Variants in NMD3 observed in about 807,000 individuals in gnomAD.
NMD3 encodes the protein 60S ribosomal export protein NMD3.
NMD3 carries 47 observed loss-of-function variants against 73.1 expected under a neutral mutation model. The ratio of observed to expected loss-of-function variants is 0.64; its 90% confidence interval spans 0.51 to 0.82. The LOEUF (loss-of-function observed/expected upper bound fraction) is 0.82, where lower values mean the gene tolerates loss of function less well. NMD3 is among the 40% of genes least tolerant of loss of function. The probability of loss-of-function intolerance (pLI) is 0.00; values close to 1 mark genes in which losing one functional copy is unlikely to be tolerated. For synonymous variants in NMD3, 210 were observed against 194.5 expected (o/e 1.08, Z -0.66); for missense variants, 554 against 612.5 (o/e 0.90, Z 1.01).
At chr3:161,227,150 G>T in intron 3 of NMD3, 97 bp from the exon 4 acceptor site, 14 of 640,172 alleles carry the variant, frequency 2.2e-5, no homozygotes, top group East Asian at 6.3e-5. Flanking sequence ...GTTTTATTAT[G>T]CCTGGTTAAT....
At chr3:161,239,587 C>T (rs1018463315) in intron 9 of NMD3, among the ~76,000 whole-genome samples, 3 of 152,058 alleles carry the variant, frequency 2.0e-5, no homozygotes, top group Non-Finnish European at 4.4e-5. Flanking sequence ...ATCATTTTGA[C>T]GATGAGGAAA....
chr3:161,249,441 AT>A lies in NMD3; in HGVS notation c.1204-10del. On this transcript the variant is annotated splice_polypyrimidine_tract_variant and intron_variant, in intron 13 of 15. Coordinates refer to ENST00000351193, the MANE Select transcript of NMD3 (RefSeq NM_015938.5). ...TCCCATTCTTTGTAACTTTACAAATATTTATCTTGCAGGTATTAATCAAGAA... is the reference window on the plus strand; with the variant it reads ...TCCCATTCTTTGTAACTTTACAAATATTATCTTGCAGGTATTAATCAAGAA... The A allele has an allele frequency of 9.0e-6, 14 of 1,548,734 alleles. No individual in the cohort carries two copies. The highest frequency in any genetic ancestry group is 1.2e-5 in the Non-Finnish European group (14 of 1,133,178).
In NMD3 at chr3:161,250,294, A is replaced by G; in HGVS notation, c.1349A>G (p.Glu450Gly). The change falls in exon 15 of 16, where the codon GAG becomes GGG. Residue 450 changes from glutamate to glycine, a missense_variant. By Grantham distance (98) the Glu-to-Gly change is moderately conservative. Transcript: ENST00000351193. The stretch of plus-strand genomic sequence containing the variant: ...TTTCTTGAAGATCTTGAAGAAGATG[A>G]GGCAATTCGAAAAAATGTCAACATT... ...QDFLEDLEED[E>G]AIRKNVNIYR... 3 of 1,603,528 alleles carry G rather than the reference A, an allele frequency of 1.9e-6. No individual in the cohort carries two copies. The highest frequency in any genetic ancestry group is 2.6e-6 in the Non-Finnish European group (3 of 1,171,096).
chr3:161,241,031 A>T lies in NMD3; in HGVS notation c.754-15A>T. The T allele has an allele frequency of 6.6e-7, 1 of 1,504,278 alleles. No individual in the cohort carries two copies. Among genetic ancestry groups the T allele is most frequent in the Non-Finnish European group, 9.2e-7 (1 of 1,082,438 alleles). The allele number at this position is 1,504,278 out of a possible 1,614,324, so 93.2% of individuals were successfully genotyped here. The stretch of plus-strand genomic sequence containing the variant: ...TAGGATATGCCTCATTCTAAATGTT[A>T]GTTCTTATGCCTAGGATAATGTTGT... On this transcript the variant is annotated splice_polypyrimidine_tract_variant and intron_variant, in intron 9 of 15. Transcript: ENST00000351193.
intron 2 of NMD3, chr3:161,223,286 G>T (rs919739664): frequency 1.3e-5 from 2 of 152,220 alleles, no homozygotes; most frequent in Admixed American, 1.3e-4. Context: ...GTGGCTAGTG[G>T]CTACCATTGG....
chr3:161,233,507 G>A, intron 5 of NMD3, 28 bp downstream of exon 5: 1 of 1,391,484 alleles, frequency 7.2e-7, no homozygotes, highest in Non-Finnish European at 1.0e-6. Context: ...TTCTCAGCAT[G>A]GTTAAAGTGC....
At chr3:161,231,588 G>A (rs574854690) in intron 4 of NMD3, among the ~76,000 whole-genome samples, 1 of 152,124 alleles carries the variant, frequency 6.6e-6, no homozygotes, top group African/African-American at 2.4e-5. Flanking sequence ...AGAGAGTTGC[G>A]GGTGGTAGAG....
At chr3:161,249,286 A>G (rs763094194) in intron 13 of NMD3, among the ~76,000 whole-genome samples, 168 bp from the exon 14 acceptor site, 1 of 152,232 alleles carries the variant, frequency 6.6e-6, no homozygotes, top group East Asian at 1.9e-4. Flanking sequence ...AGTTAAATAC[A>G]TGGAGAAAAA....
At chr3:161,238,604 GA>G (rs1736857604) in intron 8 of NMD3, 125 bp from the exon 9 acceptor site, 1 of 627,678 alleles carries the variant, frequency 1.6e-6, no homozygotes, top group African/African-American at 1.9e-5. Context: ...TTTACCAGAG[GA>G]GGCATCATGA....
intron 2 of NMD3, 69 bp from the exon 3 acceptor site, chr3:161,224,861 G>T: frequency 7.0e-7 from 1 of 1,431,392 alleles, no homozygotes; most frequent in Non-Finnish European, 9.5e-7. Context: ...TTGTTTGTTT[G>T]GCATCTAAAA....
intron 3 of NMD3, among the ~76,000 whole-genome samples, chr3:161,226,469 T>A (rs1028919795): frequency 2.6e-5 from 4 of 151,576 alleles, no homozygotes; most frequent in Non-Finnish European, 4.4e-5. Context: ...GAAAAAAAAA[T>A]ACGAAATAAA....
chr3:161,221,955 TC>T, intron 1 of NMD3, 38 bp from the exon 2 acceptor site: 1 of 1,068,000 alleles, frequency 9.4e-7, no homozygotes, highest in South Asian at 1.5e-5. Context: ...ATCCCAACAT[TC>T]TCTTTTTTTT....
chr3:161,249,610 G>C, intron 14 of NMD3, 50 bp downstream of exon 14: 2 of 1,125,928 alleles, frequency 1.8e-6, no homozygotes, highest in South Asian at 1.3e-5. Flanking sequence ...AAATATTTAT[G>C]ATAAATACTT....
chr3:161,242,549 A>G lies in NMD3; in HGVS notation c.913A>G (p.Asn305Asp), dbSNP rs181893431. The G allele has an allele frequency of 1.2e-6, 2 of 1,613,638 alleles. No individual in the cohort carries two copies. The highest frequency in any genetic ancestry group is 3.3e-5 in the Admixed American group (2 of 60,016). The change falls in exon 11 of 16, where the codon AAT becomes GAT. Residue 305 changes from asparagine to aspartate, a missense_variant. Asn to Asp is a conservative substitution (Grantham distance 23, BLOSUM62 1). Coordinates refer to ENST00000351193, the MANE Select transcript of NMD3 (RefSeq NM_015938.5). ...GAGCACTTTCTGGAGTCACCCTTTC[A>G]ATAGTTTATGTCATCCCAAACAGCT... is the stretch of plus-strand genomic sequence containing the variant. ...DGSTFWSHPFNSLCHPKQLEE... is the reference protein window; with the variant it reads ...DGSTFWSHPFDSLCHPKQLEE...
chr3:161,234,980 T>A, intron 6 of NMD3, 125 bp downstream of exon 6: 1 of 1,003,894 alleles, frequency 1.0e-6, no homozygotes, highest in Non-Finnish European at 1.5e-6. Flanking sequence ...TGGAAATAGA[T>A]CATTATTACA....
chr3:161,228,458 A>G (rs1358251880), intron 4 of NMD3, among the ~76,000 whole-genome samples: 1 of 151,780 alleles, frequency 6.6e-6, no homozygotes, highest in African/African-American at 2.4e-5. Flanking sequence ...TTTTTCCAGT[A>G]GTAATGTTTT....
chr3:161,238,195 T>C lies in NMD3; in HGVS notation c.656+4T>C. On this transcript the variant is annotated splice_donor_region_variant and intron_variant, in intron 8 of 15. Coordinates refer to ENST00000351193, the MANE Select transcript of NMD3 (RefSeq NM_015938.5). Reference sequence around the variant, plus strand: ...TTCAGTGTACAGTTCCCTGTAGGTATGTTCTGAACCTTGAATGTGACTAAA... The same window carrying C: ...TTCAGTGTACAGTTCCCTGTAGGTACGTTCTGAACCTTGAATGTGACTAAA... The C allele has an allele frequency of 1.3e-6, 2 of 1,572,036 alleles. No individual in the cohort carries two copies. Among genetic ancestry groups the C allele is most frequent in the Non-Finnish European group, 1.7e-6 (2 of 1,150,682 alleles).
chr3:161,235,699 G>A (rs889801198), intron 7 of NMD3, among the ~76,000 whole-genome samples: 7 of 151,996 alleles, frequency 4.6e-5, no homozygotes, highest in African/African-American at 1.7e-4. Context: ...CCTAAGGGAC[G>A]TCTTTTCAGT....
chr3:161,237,597 T>C (rs1277873434), intron 7 of NMD3, among the ~76,000 whole-genome samples: 2 of 150,316 alleles, frequency 1.3e-5, no homozygotes, highest in African/African-American at 4.9e-5. Context: ...TGGAGTGCAG[T>C]GTTGCGATCT....
Sources: allele counts gnomAD v4.1 joint callset (sites outside exome capture counted in the v4.1 genomes callset), GRCh38; gene constraint gnomAD v4.1.1; transcripts MANE v1.5; gene names NCBI Gene and HGNC (gene_info 2026-07-23, HGNC 2026-07-21).